The following GALNT13 variants were observed in gnomAD, a reference collection of about 807,000 sequenced individuals.
The protein encoded by GALNT13 is UDP-GalNAc:polypeptide N-acetylgalactosaminyltransferase 13.
GALNT13 carries 28 observed loss-of-function variants against 64.2 expected under a neutral mutation model. That is an observed-to-expected ratio of 0.44 (90% CI 0.32 to 0.60). GALNT13 has a LOEUF of 0.60. Among genes scored for constraint, GALNT13 ranks in the 20% least tolerant of loss-of-function variants. GALNT13 has a pLI of 0.05. For synonymous variants in GALNT13, 214 were observed against 224.6 expected (o/e 0.95, Z 0.42); for missense variants, 577 against 669.8 (o/e 0.86, Z 1.53).
At chr2:154,218,532 C>G (rs1413031906) in intron 4 of GALNT13, among the ~76,000 whole-genome samples, 1 of 152,066 alleles carries the variant, frequency 6.6e-6, no homozygotes, top group Non-Finnish European at 1.5e-5. Context: ...ATTTATTACT[C>G]TACCCACTGT....
the GALNT13 span, among the ~76,000 whole-genome samples, chr2:153,714,831 G>A: frequency 1.7e-3 from 260 of 152,254 alleles, 2 homozygotes; most frequent in African/African-American, 6.0e-3. Flanking sequence ...AGAAAACAGA[G>A]TAATACTACT....
At chr2:153,402,821 A>C in the GALNT13 span, among the ~76,000 whole-genome samples, 3 of 152,172 alleles carry the variant, frequency 2.0e-5, no homozygotes, top group South Asian at 2.1e-4. Flanking sequence ...TTCTAGTTAT[A>C]CATTCTTCTA....
intron 3 of GALNT13, among the ~76,000 whole-genome samples, chr2:153,995,057 T>C (rs1695428893): frequency 6.6e-6 from 1 of 152,020 alleles, no homozygotes; most frequent in South Asian, 2.1e-4. Context: ...ATCACCATTT[T>C]ATTAAAGATT....
At chr2:153,105,175 T>C in the GALNT13 span, among the ~76,000 whole-genome samples, 2 of 151,212 alleles carry the variant, frequency 1.3e-5, no homozygotes, top group African/African-American at 4.9e-5. Flanking sequence ...TTATCCACCA[T>C]GATCAAGTGG....
the GALNT13 span, among the ~76,000 whole-genome samples, chr2:153,720,625 T>C: frequency 1.3e-5 from 2 of 151,494 alleles, no homozygotes; most frequent in African/African-American, 4.9e-5. Context: ...AAGGAGCTGA[T>C]CGAGCTGAAA....
the GALNT13 span, among the ~76,000 whole-genome samples, chr2:153,340,933 T>C: frequency 1.3e-5 from 2 of 152,312 alleles, no homozygotes; most frequent in Admixed American, 1.3e-4. Flanking sequence ...CATCCAGGTA[T>C]GACTAGTTAG....
the GALNT13 span, among the ~76,000 whole-genome samples, chr2:153,358,028 G>A: frequency 2.6e-5 from 4 of 152,070 alleles, no homozygotes; most frequent in Admixed American, 6.6e-5. Flanking sequence ...CATATGAACC[G>A]AGAAATGAGG....
chr2:154,440,333 A>G (rs986800166), intron 12 of GALNT13, among the ~76,000 whole-genome samples: 2 of 152,136 alleles, frequency 1.3e-5, no homozygotes, highest in Non-Finnish European at 2.9e-5. Flanking sequence ...GAACAATGTC[A>G]TAACTCAAAT....
chr2:154,143,916 C>G (rs932907299), intron 4 of GALNT13, among the ~76,000 whole-genome samples: 1 of 143,790 alleles, frequency 7.0e-6, no homozygotes. Context: ...TGTTGTCTTA[C>G]TCTAAGAAAA....
At chr2:154,021,883 C>T (rs1460153112) in intron 3 of GALNT13, among the ~76,000 whole-genome samples, 11 of 150,266 alleles carry the variant, frequency 7.3e-5, no homozygotes, top group South Asian at 2.1e-4. Context: ...CCCATCAATA[C>T]CTAATTTATT....
intron 11 of GALNT13, among the ~76,000 whole-genome samples, chr2:154,421,372 C>T (rs949884386): frequency 1.3e-5 from 2 of 151,922 alleles, no homozygotes; most frequent in Admixed American, 1.3e-4. Flanking sequence ...ATCGATATGG[C>T]TAAAACACAA....
chr2:153,838,137 A>T, the GALNT13 span, among the ~76,000 whole-genome samples: 1 of 151,946 alleles, frequency 6.6e-6, no homozygotes, highest in African/African-American at 2.4e-5. Context: ...TTCTTTATAT[A>T]TTTCGAATGT....
chr2:153,628,977 G>T, the GALNT13 span, among the ~76,000 whole-genome samples: 2 of 152,024 alleles, frequency 1.3e-5, no homozygotes, highest in East Asian at 1.9e-4. Flanking sequence ...GTCTGGTCCT[G>T]GACTCTTTTT....
chr2:153,363,181 C>G, the GALNT13 span, among the ~76,000 whole-genome samples: 1 of 151,966 alleles, frequency 6.6e-6, no homozygotes, highest in Non-Finnish European at 1.5e-5. Context: ...TTCTTTGAAA[C>G]CAAGGAGAAG....
the GALNT13 span, among the ~76,000 whole-genome samples, chr2:153,201,304 A>T: frequency 6.6e-6 from 1 of 152,168 alleles, no homozygotes; most frequent in African/African-American, 2.4e-5. Context: ...TATTACCCAT[A>T]GGATGAAGGT....
chr2:154,187,931 G>A (rs1287258260), intron 4 of GALNT13, among the ~76,000 whole-genome samples: 1 of 151,684 alleles, frequency 6.6e-6, no homozygotes, highest in East Asian at 1.9e-4. Flanking sequence ...TTTTCTCTTA[G>A]TATTGATGAG....
the GALNT13 span, among the ~76,000 whole-genome samples, chr2:153,349,746 G>C: frequency 6.6e-6 from 1 of 152,078 alleles, no homozygotes; most frequent in Admixed American, 6.5e-5. Flanking sequence ...AGTAAGTCTT[G>C]TCAAAGAAGT....
chr2:153,441,092 A>G, the GALNT13 span, among the ~76,000 whole-genome samples: 6 of 152,222 alleles, frequency 3.9e-5, no homozygotes, highest in East Asian at 1.2e-3. Flanking sequence ...TTTTGCATTG[A>G]AGTCTTTAAT....
At chr2:153,924,334 G>A (rs1689964858) in intron 2 of GALNT13, among the ~76,000 whole-genome samples, 1 of 150,918 alleles carries the variant, frequency 6.6e-6, no homozygotes, top group Admixed American at 6.7e-5. Flanking sequence ...TTCTGCATTA[G>A]TTTGCTGAGG....
Sources: gnomAD v4.1 joint callset for allele counts (sites outside exome capture counted in the v4.1 genomes callset) on GRCh38, gnomAD v4.1.1 for gene constraint, MANE v1.5 for transcripts, NCBI Gene and HGNC (gene_info 2026-07-23, HGNC 2026-07-21) for gene names.